The following IL1RAPL2 variants were observed in gnomAD, a reference collection of about 807,000 sequenced individuals.
The protein encoded by IL1RAPL2 is X-linked interleukin-1 receptor accessory protein-like 2.
IL1RAPL2 carries 3 observed loss-of-function variants against 44.1 expected under a neutral mutation model. The observed-to-expected ratio is 0.07, with a 90% CI of 0.03 to 0.18. The LOEUF is 0.18. Ranked by LOEUF, IL1RAPL2 falls within the 10% of genes least tolerant of loss-of-function variation. The pLI is 1.00. For missense variants in IL1RAPL2, 391 were observed against 496.4 expected, an observed-to-expected ratio of 0.79 and a Z score of 2.02; for synonymous variants, 181 against 178.8, an observed-to-expected ratio of 1.01 and a Z score of -0.10.
intron 2 of IL1RAPL2, among the ~76,000 whole-genome samples, chrX:104,797,382 A>G (rs1436144577): frequency 2.7e-5 from 3 of 110,399 alleles, no homozygotes; most frequent in African/African-American, 9.9e-5. Context: ...TAAGAACAGT[A>G]TTTTTAAAGT....
At chrX:105,634,491 C>T (rs909147451) in intron 6 of IL1RAPL2, among the ~76,000 whole-genome samples, 1 of 111,329 alleles carries the variant, frequency 9.0e-6, no homozygotes, top group African/African-American at 3.3e-5. Context: ...AGAAAAATGC[C>T]AAAAGGGACA....
At position 104,953,138 on chromosome X, in the gene IL1RAPL2, A is replaced by G. The variant is rs938693033; in HGVS notation, c.83-242337A>G. Among the ~76,000 whole-genome samples the G allele has an allele frequency of 6.3e-5, 7 of 111,669 alleles. No homozygotes were observed. In the East Asian group the frequency reaches 1.4e-3, roughly 22 times the overall value. On this transcript the variant is annotated intron_variant, in intron 2 of 10. Transcript: ENST00000372582. ...CATGTGCTTACCTCCCATGGCTACC[A>G]CGTTGAAAGGTTACTTTCATCATTT...
chrX:104,889,032 G>A (rs377303293), intron 2 of IL1RAPL2, among the ~76,000 whole-genome samples: 3 of 110,985 alleles, frequency 2.7e-5, no homozygotes, highest in East Asian at 2.8e-4. Flanking sequence ...CCCCATCAGC[G>A]TAATTACACC....
At position 105,407,153 on chromosome X, in the gene IL1RAPL2, T is replaced by TA. The variant is rs143467872; in HGVS notation, c.698-77147dup. ...AGAAGAAATAACACTGTAAGGAAATTAAAAAAAAAAAAACACATTTAGAGG... is the reference window on the plus strand; with the variant it reads ...AGAAGAAATAACACTGTAAGGAAATTAAAAAAAAAAAAAACACATTTAGAGG... On this transcript the variant is annotated intron_variant, in intron 5 of 10. Coordinates refer to ENST00000372582, the MANE Select transcript of IL1RAPL2 (RefSeq NM_017416.2). 4.4e-3 allele frequency: 1,547 copies of TA among 352,196 alleles called. 25 individuals carry two copies. Among genetic ancestry groups the TA allele is most frequent in the African/African-American group, 0.035 (1,299 of 37,408 alleles). 29.0% of individuals were successfully genotyped at this position (352,196 alleles called of 1,213,427 possible). A position where few individuals can be genotyped will look rare whatever the true frequency, so the allele number is the denominator to read the frequency against.
At chrX:105,043,160 A>G (rs1185077416) in intron 2 of IL1RAPL2, among the ~76,000 whole-genome samples, 3 of 108,865 alleles carry the variant, frequency 2.8e-5, no homozygotes, top group Non-Finnish European at 5.7e-5. Context: ...GCGCACCAAC[A>G]TGTCACATGT....
At chrX:105,019,617 A>G (rs1316111480) in intron 2 of IL1RAPL2, among the ~76,000 whole-genome samples, 2 of 111,570 alleles carry the variant, frequency 1.8e-5, no homozygotes, top group East Asian at 5.7e-4. Flanking sequence ...GAATTCCCCA[A>G]AAAGAGCTAC....
At chrX:105,015,043 A>T (rs748555652) in intron 2 of IL1RAPL2, among the ~76,000 whole-genome samples, 1 of 111,441 alleles carries the variant, frequency 9.0e-6, no homozygotes, top group African/African-American at 3.3e-5. Context: ...TGTGGTTTTG[A>T]TTTGCATTTC....
chrX:104,771,170 C>T (rs73245704), intron 2 of IL1RAPL2, among the ~76,000 whole-genome samples: 379 of 111,957 alleles, frequency 3.4e-3, no homozygotes, highest in Non-Finnish European at 5.8e-3. Context: ...TCTGGGCTGT[C>T]GGATCTCCTA....
At chrX:105,247,591 G>GTATA (rs746336838) in intron 4 of IL1RAPL2, among the ~76,000 whole-genome samples, 8 of 100,608 alleles carry the variant, frequency 8.0e-5, no homozygotes, top group South Asian at 4.6e-4. Flanking sequence ...AAGTGTGTGT[G>GTATA]TATATATATA....
At chrX:105,295,453 T>C (rs1398900198) in intron 5 of IL1RAPL2, among the ~76,000 whole-genome samples, 2 of 112,053 alleles carry the variant, frequency 1.8e-5, no homozygotes, top group South Asian at 7.4e-4. Flanking sequence ...GGTAGATGAT[T>C]AGACAGGTGT....
chrX:104,673,539 C>T (rs1387666491), intron 2 of IL1RAPL2, among the ~76,000 whole-genome samples: 33 of 111,007 alleles, frequency 3.0e-4, no homozygotes, highest in Non-Finnish European at 4.7e-4. Flanking sequence ...TGTGATGCCT[C>T]CAGCTTTGTT....
At chrX:104,920,945 T>C (rs994147478) in intron 2 of IL1RAPL2, among the ~76,000 whole-genome samples, 6 of 110,828 alleles carry the variant, frequency 5.4e-5, no homozygotes, top group African/African-American at 2.0e-4. Flanking sequence ...GAAGACACCC[T>C]GGTTGAAGAG....
intron 3 of IL1RAPL2, chrX:105,219,348 G>A (rs781802607): frequency 1.7e-6 from 2 of 1,211,333 alleles, no homozygotes; most frequent in Non-Finnish European, 1.1e-6. Context: ...TGGACCAGGG[G>A]TTCGTGGTTC....
intron 2 of IL1RAPL2, among the ~76,000 whole-genome samples, chrX:104,852,548 C>G (rs1232309790): frequency 8.9e-6 from 1 of 112,296 alleles, no homozygotes; most frequent in Non-Finnish European, 1.9e-5. Context: ...CATTTTGATT[C>G]TAACAACTTT....
chrX:104,675,728 G>T (rs1428809273), intron 2 of IL1RAPL2, among the ~76,000 whole-genome samples: 1 of 110,370 alleles, frequency 9.1e-6, no homozygotes, highest in Non-Finnish European at 1.9e-5. Flanking sequence ...TATTGTGTGG[G>T]AGTCTAAGTC....
At chrX:104,842,570 A>T (rs1921937121) in intron 2 of IL1RAPL2, among the ~76,000 whole-genome samples, 1 of 111,842 alleles carries the variant, frequency 8.9e-6, no homozygotes, top group Non-Finnish European at 1.9e-5. Flanking sequence ...TGGATGCGGT[A>T]TTTGTGGGAG....
intron 2 of IL1RAPL2, among the ~76,000 whole-genome samples, chrX:104,950,792 C>T (rs1228201211): frequency 5.4e-5 from 6 of 110,534 alleles, no homozygotes; most frequent in Admixed American, 9.6e-5. Context: ...CTGCAGGCTC[C>T]GCCCCCTGGG....
At chrX:105,525,620 A>G (rs1417741804) in intron 6 of IL1RAPL2, among the ~76,000 whole-genome samples, 1 of 111,353 alleles carries the variant, frequency 9.0e-6, no homozygotes, top group Non-Finnish European at 1.9e-5. Flanking sequence ...AAGGATAATG[A>G]CTCATTTCAC....
At chrX:105,730,180 A>T (rs924399277) in intron 7 of IL1RAPL2, among the ~76,000 whole-genome samples, 1 of 111,301 alleles carries the variant, frequency 9.0e-6, no homozygotes, top group South Asian at 3.7e-4. Context: ...AAAATATTCC[A>T]TGGAAAAGGA....
Sources: allele counts gnomAD v4.1 joint callset (sites outside exome capture counted in the v4.1 genomes callset), GRCh38; gene constraint gnomAD v4.1.1; transcripts MANE v1.5; gene names NCBI Gene and HGNC (gene_info 2026-07-23, HGNC 2026-07-21).